The following KIF13A variants were observed in gnomAD, a reference collection of about 807,000 sequenced individuals.
KIF13A encodes the protein kinesin-like protein KIF13A.
In KIF13A, 79 loss-of-function variants were observed where a neutral mutation model predicts 212.2. The observed-to-expected ratio is 0.37, with a 90% confidence interval of 0.31 to 0.45. KIF13A has a LOEUF of 0.45. KIF13A is among the 20% of genes least tolerant of loss of function. The probability of loss-of-function intolerance (pLI) is 1.00; values close to 1 mark genes in which losing one functional copy is unlikely to be tolerated. For synonymous variants in KIF13A, 789 were observed against 808.6 expected, an observed-to-expected ratio of 0.98 and a Z score of 0.41; for missense variants, 1,901 against 2,209.0, an observed-to-expected ratio of 0.86 and a Z score of 2.79.
intron 3 of KIF13A, among the ~76,000 whole-genome samples, chr6:17,877,246 TA>T (rs2150443834): frequency 6.6e-6 from 1 of 152,232 alleles, no homozygotes; most frequent in East Asian, 1.9e-4. Context: ...ATATATGATG[TA>T]CTCAACTTAC....
chr6:17,933,840 G>A (rs918402574), intron 2 of KIF13A, among the ~76,000 whole-genome samples: 11 of 152,004 alleles, frequency 7.2e-5, no homozygotes, highest in African/African-American at 1.9e-4. Context: ...CAACTAGTTC[G>A]ACCTGCCTGC....
downstream of KIF13A, among the ~76,000 whole-genome samples, chr6:17,762,886 T>C (rs1002450850): frequency 2.6e-5 from 4 of 152,200 alleles, no homozygotes; most frequent in East Asian, 1.9e-4. Context: ...AGGGCTGTTA[T>C]GAAAAGCAGG....
At chr6:17,929,072 A>G (rs933194746) in intron 2 of KIF13A, among the ~76,000 whole-genome samples, 1 of 146,932 alleles carries the variant, frequency 6.8e-6, no homozygotes, top group Non-Finnish European at 1.5e-5. Context: ...AAAAAAAAAA[A>G]AAAAAAAAAA....
chr6:17,828,348 T>C lies in KIF13A; in HGVS notation c.1424A>G (p.Asp475Gly). ...YLKDHTRVGADTSQDIQLFGI... is the reference protein window; with the variant it reads ...YLKDHTRVGAGTSQDIQLFGI... ...AAAAAGCTGGATATCTTGAGAGGTATCTGCACCCACCCTGGTGTGATCCTA... is the reference window on the plus strand; with the variant it reads ...AAAAAGCTGGATATCTTGAGAGGTACCTGCACCCACCCTGGTGTGATCCTA... Residue 475 changes from aspartate (D) to glycine (G), a missense_variant, in exon 14 of 39, where the codon GAT (aspartate) becomes GGT (glycine). Physicochemically the swap from Asp to Gly is moderately conservative, Grantham distance 94. Around this residue, in one of 5 missense-constraint regions of KIF13A, gnomAD observed 506 missense variants for 637.4 expected, o/e 0.79. Transcript: ENST00000259711. This position sits in a 1 kb window ranked among gnomAD's most constrained non-coding sequence, Gnocchi z 4.3. 2 of 1,611,932 alleles carry C rather than the reference T, an allele frequency of 1.2e-6. No homozygotes were observed. The highest frequency in any genetic ancestry group is 2.2e-5 in the East Asian group (1 of 44,848).
At chr6:17,962,910 C>T (rs1049817100) in intron 2 of KIF13A, among the ~76,000 whole-genome samples, 1 of 152,186 alleles carries the variant, frequency 6.6e-6, no homozygotes, top group African/African-American at 2.4e-5. Flanking sequence ...TGTTATCAGC[C>T]AGCCCCAAAG....
chr6:17,950,924 T>C (rs1777791588), intron 2 of KIF13A: 1 of 980,340 alleles, frequency 1.0e-6, no homozygotes, highest in Non-Finnish European at 1.2e-6. Flanking sequence ...CAGAGAAATC[T>C]CTAATTACTA....
chr6:17,794,227 A>C lies in KIF13A; in HGVS notation c.3222+22T>G. ...CATTAACCAAGCTTTGTTAAATACT[A>C]TTTTAAGTCTGCTTGTCTTACCTGG... is the stretch of plus-strand genomic sequence containing the variant. On this transcript the variant is annotated intron_variant, in intron 25 of 38. Coordinates refer to ENST00000259711, the MANE Select transcript of KIF13A (RefSeq NM_022113.6). This position sits in a 1 kb window ranked among gnomAD's most constrained non-coding sequence, Gnocchi z 4.1. The C allele has an allele frequency of 1.9e-6, 3 of 1,596,764 alleles. No individual in the cohort carries two copies. The highest frequency in any genetic ancestry group is 1.1e-5 in the South Asian group (1 of 89,932).
In KIF13A at chr6:17,828,310, G is replaced by A; in HGVS notation, c.1462C>T (p.Gln488Ter). 6.2e-7 allele frequency: 1 copy of A among 1,610,836 alleles called. No individual in the cohort carries two copies. The highest frequency in any genetic ancestry group is 8.5e-7 in the Non-Finnish European group (1 of 1,178,378). Residue 488 changes from glutamine to a stop codon, truncating the protein, a stop_gained, in exon 14 of 39, where the codon CAG becomes TAG. Transcript: ENST00000259711. LOFTEE classifies it high-confidence loss of function. This position sits in a 1 kb window ranked among gnomAD's most constrained non-coding sequence, Gnocchi z 4.3. ...QDIQLFGIGI[Q>*]PQHCEIDIAS... ...ATGTCAATCTCACAGTGCTGAGGCT[G>A]AATTCCTATGCCAAAAAGCTGGATA...
At position 17,808,124 on chromosome 6, in the gene KIF13A, C is replaced by A. The variant is rs140680166; in HGVS notation, c.2163+644G>T. 1.8e-3 allele frequency among the ~76,000 whole-genome samples: 277 copies of A among 152,276 alleles called. 1 individual carries two copies. Among genetic ancestry groups the A allele is most frequent in the African/African-American group, 6.5e-3 (270 of 41,564 alleles). ...ATAGCAGGCTGGGCACAGTGGCTCA[C>A]GCCTGTAATCCTAGCACTCTGGGAG... is the stretch of plus-strand genomic sequence containing the variant. On this transcript the variant is annotated intron_variant, in intron 18 of 38. Coordinates refer to ENST00000259711, the MANE Select transcript of KIF13A (RefSeq NM_022113.6).
chr6:17,785,758 A>G lies in KIF13A; in HGVS notation c.3362-117T>C. ...TGAGACCCCATCTCTACCAAAAAAAAAAAAATAGTTGGGCAGGGTGGTGGT... is the reference window on the plus strand; with the variant it reads ...TGAGACCCCATCTCTACCAAAAAAAGAAAAATAGTTGGGCAGGGTGGTGGT... On this transcript the variant is annotated intron_variant, in intron 27 of 38. Transcript: ENST00000259711. The surrounding 1 kb of genome is among the most constrained non-coding windows in gnomAD (Gnocchi z 5.8). The G allele has an allele frequency of 9.1e-7, 1 of 1,104,020 alleles. No homozygotes were observed. Among genetic ancestry groups the G allele is most frequent in the Non-Finnish European group, 1.3e-6 (1 of 765,522 alleles). 68.4% of individuals were successfully genotyped at this position (1,104,020 alleles called of 1,614,324 possible). A position where few individuals can be genotyped will look rare whatever the true frequency, so the allele number is the denominator to read the frequency against.
At chr6:17,882,954 C>T (rs1449914392) in intron 3 of KIF13A, among the ~76,000 whole-genome samples, 1 of 152,158 alleles carries the variant, frequency 6.6e-6, no homozygotes, top group Non-Finnish European at 1.5e-5. Flanking sequence ...TATATGTATA[C>T]ATCTATTTAT....
At chr6:17,760,303 T>C (rs1293590495), downstream of KIF13A, 2 of 152,254 alleles carry the variant, frequency 1.3e-5, no homozygotes, top group African/African-American at 4.8e-5. Context: ...TTTCATCTGC[T>C]CATGTATAAG....
rs1010775453 is a variant in KIF13A at position 17,918,164 on chromosome 6, T to C, written c.147-19984A>G. On this transcript the variant is annotated intron_variant, in intron 2 of 38. Coordinates refer to ENST00000259711, the MANE Select transcript of KIF13A (RefSeq NM_022113.6). The surrounding 1 kb of genome is among the most constrained non-coding windows in gnomAD (Gnocchi z 4.8). ...CCACACCAGGCACATGGTAAGCACC[T>C]GGCCTGGCTAGAGACACCCATCTCG... Among the ~76,000 whole-genome samples the C allele has an allele frequency of 6.6e-6, 1 of 152,078 alleles. No homozygotes were observed. The highest frequency in any genetic ancestry group is 2.4e-5 in the African/African-American group (1 of 41,402).
chr6:17,852,480 C>T (rs1767747185), intron 6 of KIF13A, among the ~76,000 whole-genome samples: 1 of 152,182 alleles, frequency 6.6e-6, no homozygotes, highest in South Asian at 2.1e-4. Context: ...AGTGCAGTAG[C>T]ATGACCCCGG....
At chr6:17,876,782 A>T (rs1314891938) in intron 3 of KIF13A, among the ~76,000 whole-genome samples, 1 of 152,092 alleles carries the variant, frequency 6.6e-6, no homozygotes, top group African/African-American at 2.4e-5. Context: ...CTACAGGCAC[A>T]TGCCACCATG....
chr6:17,964,076 C>T (rs888023015), intron 2 of KIF13A, among the ~76,000 whole-genome samples: 3 of 152,086 alleles, frequency 2.0e-5, no homozygotes, highest in Admixed American at 1.3e-4. Context: ...TATGATGATG[C>T]CACTGCACTC....
Position 17,926,318 on chromosome 6 carries a change from T to C in KIF13A, c.147-28138A>G, listed in dbSNP as rs554517603. On this transcript the variant is annotated intron_variant, in intron 2 of 38. Transcript: ENST00000259711. This position sits in a 1 kb window ranked among gnomAD's most constrained non-coding sequence, Gnocchi z 4.3. ...ACAATCTTGGCTCACTGCAACCTTC[T>C]GTCTCCTGGGTTCAAGTGATTCTCG... 2.0e-5 allele frequency among the ~76,000 whole-genome samples: 3 copies of C among 152,294 alleles called. No homozygotes were observed. The highest frequency in any genetic ancestry group is 1.9e-4 in the East Asian group (1 of 5,176).
chr6:17,828,996 G>A lies in KIF13A; in HGVS notation c.1402-626C>T, dbSNP rs559804737. On this transcript the variant is annotated intron_variant, in intron 13 of 38. Transcript: ENST00000259711. The surrounding 1 kb of genome is among the most constrained non-coding windows in gnomAD (Gnocchi z 4.3). ...GGTGTCTCACTCTGTCACCCAGGCT[G>A]GAGTGCAGTGGTGCAATCTCAGCTC... is the stretch of plus-strand genomic sequence containing the variant. 2.6e-3 allele frequency among the ~76,000 whole-genome samples: 389 copies of A among 150,408 alleles called. 5 individuals are homozygous for A. In the Middle Eastern group the frequency reaches 0.028, roughly 11 times the overall value.
rs1454089516 is a variant in KIF13A, at chr6:17,769,763, G to A, written c.4581+1351C>T. 6.6e-6 allele frequency among the ~76,000 whole-genome samples: 1 copy of A among 152,138 alleles called. No homozygotes were observed. Among genetic ancestry groups the A allele is most frequent in the African/African-American group, 2.4e-5 (1 of 41,420 alleles). On this transcript the variant is annotated intron_variant, in intron 38 of 38. Transcript: ENST00000259711. This position sits in a 1 kb window ranked among gnomAD's most constrained non-coding sequence, Gnocchi z 5.8. ...AGAGAATTGGCAGGGGAAAAAACTA[G>A]TCATTTGGCCTTTTTAGCCCACACT... is the stretch of plus-strand genomic sequence containing the variant.
Sources: gnomAD v4.1 joint callset for allele counts (sites outside exome capture counted in the v4.1 genomes callset) on GRCh38, gnomAD v4.1.1 for gene constraint, gnomAD v4.1.1 regional missense constraint, Gnocchi (gnomAD v3.1) non-coding constraint, MANE v1.5 for transcripts, NCBI Gene and HGNC (gene_info 2026-07-23, HGNC 2026-07-21) for gene names.